Variants in TM2D2 observed in about 807,000 individuals in gnomAD.
The protein encoded by TM2D2 is TM2 domain containing 2.
TM2D2 carries 19 observed loss-of-function variants against 23.0 expected under a neutral mutation model. The observed-to-expected ratio is 0.82, with a 90% CI of 0.58 to 1.21. TM2D2 has a LOEUF of 1.21. Among genes scored for constraint, TM2D2 ranks in the 50% most tolerant of loss-of-function variants. The pLI, the probability that TM2D2 is intolerant of heterozygous loss-of-function variation, is 0.00. For missense variants in TM2D2, 246 were observed against 265.4 expected (o/e 0.93, Z 0.51); for synonymous variants, 120 against 108.8 (o/e 1.10, Z -0.64).
At chr8:38,995,728 C>T (rs1835752310) in intron 1 of TM2D2, 4 of 1,294,268 alleles carry the variant, frequency 3.1e-6, no homozygotes, top group Admixed American at 3.7e-5. Flanking sequence ...TATTCTCAGT[C>T]CTCTTTGCAT....
In TM2D2 at chr8:38,991,411, C is replaced by G. The variant is rs1234635293; in HGVS notation, c.566G>C (p.Trp189Ser). The change falls in exon 4 of 4, where the codon TGG becomes TCG. Residue 189 changes from tryptophan (W) to serine (S), a missense_variant. By Grantham distance (177) the Trp-to-Ser change is radical (BLOSUM62 -3). Transcript: ENST00000456397. Reference protein sequence around the residue: ...KLLTLGGLGIWWFVDLILLIT... With the variant: ...KLLTLGGLGISWFVDLILLIT... ...TAGCAAAATAAGGTCAACAAACCACCAAATCCCAAGTCCTCCAAGCGTCAA... is the reference window on the plus strand; with the variant it reads ...TAGCAAAATAAGGTCAACAAACCACGAAATCCCAAGTCCTCCAAGCGTCAA... 1.2e-6 allele frequency: 2 copies of G among 1,614,032 alleles called. No individual in the cohort carries two copies. The highest frequency in any genetic ancestry group is 1.6e-4 in the Middle Eastern group (1 of 6,084).
chr8:38,996,741 G>T, upstream of TM2D2: 1 of 1,419,864 alleles, frequency 7.0e-7, no homozygotes, highest in Non-Finnish European at 9.2e-7. Flanking sequence ...CCCCCTAGGT[G>T]GGCGTGCCCG....
At position 38,996,235 on chromosome 8, in the gene TM2D2, G is replaced by C; in HGVS notation, c.205C>G (p.Pro69Ala). The C allele has an allele frequency of 6.2e-7, 1 of 1,613,746 alleles. No individual in the cohort carries two copies. The highest frequency in any genetic ancestry group is 8.5e-7 in the Non-Finnish European group (1 of 1,179,934). Residue 69 changes from proline to alanine, a missense_variant, in exon 1 of 4, where the codon CCG becomes GCG. Coordinates refer to ENST00000456397, the MANE Select transcript of TM2D2 (RefSeq NM_078473.3). Reference sequence around the variant, plus strand: ...TACAGGTAAGAGCAGAGGATGACCGGAGAGTGGGGGTCGCCATATTCCCAG... The same window carrying C: ...TACAGGTAAGAGCAGAGGATGACCGCAGAGTGGGGGTCGCCATATTCCCAG... ...ASWEYGDPHS[P>A]VILCSYLPDE...
chr8:38,991,010 T>G lies in TM2D2; in HGVS notation c.*322A>C. 1 of 328,700 alleles carries G rather than the reference T, an allele frequency of 3.0e-6. No individual in the cohort carries two copies. Among genetic ancestry groups the G allele is most frequent in the Non-Finnish European group, 5.7e-6 (1 of 176,420 alleles). 20.4% of individuals were successfully genotyped at this position (328,700 alleles called of 1,614,324 possible). ...GTTAGGTCCACTTGCTCCAAAGGAC[T>G]GAAGATATAGCAATGTACAGAAAGG... is the stretch of plus-strand genomic sequence containing the variant. On this transcript the variant is annotated 3_prime_UTR_variant, in exon 4 of 4. Coordinates refer to ENST00000456397, the MANE Select transcript of TM2D2 (RefSeq NM_078473.3).
At position 38,993,566 on chromosome 8, in the gene TM2D2, C is replaced by A; in HGVS notation, c.410G>T (p.Arg137Leu). 1 of 1,613,188 alleles carries A rather than the reference C, an allele frequency of 6.2e-7. No individual in the cohort carries two copies. Among genetic ancestry groups the A allele is most frequent in the Non-Finnish European group, 8.5e-7 (1 of 1,179,314 alleles). The part of the protein sequence containing the change: ...IECASPRTFL[R>L]ENKPCIKYTG... ...TTACTTTATACAAGGTTTATTTTCTCGTAGAAAGGTCCTAGGACTGGCACA... is the reference window on the plus strand; with the variant it reads ...TTACTTTATACAAGGTTTATTTTCTAGTAGAAAGGTCCTAGGACTGGCACA... The change falls in exon 3 of 4, where the codon CGA (arginine) becomes CTA (leucine). Residue 137 changes from arginine to leucine, a missense_variant. By Grantham distance (102) the Arg-to-Leu change is moderately radical (BLOSUM62 -2). This residue lies in a region of TM2D2 where 212 missense variants were observed against 202.2 expected (regional missense o/e 1.05). Coordinates refer to ENST00000456397, the MANE Select transcript of TM2D2 (RefSeq NM_078473.3).
Position 38,993,574 on chromosome 8 carries a change from G to A in TM2D2, c.402C>T (p.Thr134=), listed in dbSNP as rs535538786. 3.7e-6 allele frequency: 6 copies of A among 1,613,676 alleles called. No individual in the cohort carries two copies. The South Asian group carries it at 5.5e-5, about 15-fold the overall frequency. Residue 134 remains threonine, a synonymous_variant, in exon 3 of 4, where the codon ACC becomes ACT. Transcript: ENST00000456397. ...TACAAGGTTTATTTTCTCGTAGAAA[G>A]GTCCTAGGACTGGCACACTCAATTC... ...LDGIECASPR[T]FLRENKPCIK... is the part of the protein sequence containing the mutation.
upstream of TM2D2, chr8:38,996,851 T>A (rs1247372034): frequency 6.9e-7 from 1 of 1,451,728 alleles, no homozygotes; most frequent in African/African-American, 1.4e-5. Flanking sequence ...ACTGGATTTT[T>A]CCCTACGTCA....
Position 38,996,464 on chromosome 8 carries a change from C to T in TM2D2, c.-25G>A. On this transcript the variant is annotated 5_prime_UTR_variant, in exon 1 of 4. Coordinates refer to ENST00000456397, the MANE Select transcript of TM2D2 (RefSeq NM_078473.3). Reference sequence around the variant, plus strand: ...TCTTCCCGGGCACAGGAGCGGAGACCCGGCCTCAACCACAACCCCAGGCCA... The same window carrying T: ...TCTTCCCGGGCACAGGAGCGGAGACTCGGCCTCAACCACAACCCCAGGCCA... 6.2e-7 allele frequency: 1 copy of T among 1,612,526 alleles called. No individual in the cohort carries two copies. The highest frequency in any genetic ancestry group is 8.5e-7 in the Non-Finnish European group (1 of 1,179,158).
chr8:38,992,383 T>C (rs141513768), intron 3 of TM2D2, among the ~76,000 whole-genome samples: 2,554 of 142,184 alleles, frequency 0.018, 68 homozygotes, highest in African/African-American at 0.065. Context: ...GAGGCTGAGG[T>C]AGGAGGATCG....
chr8:38,993,900 T>TACC, intron 2 of TM2D2: 1 of 296,582 alleles, frequency 3.4e-6, no homozygotes, highest in Non-Finnish European at 6.4e-6. Flanking sequence ...TCTTCAATAA[T>TACC]ATAGTAAAAA....
At position 38,993,669 on chromosome 8, in the gene TM2D2, T is replaced by A. The variant is rs1564194294; in HGVS notation, c.316-9A>T. On this transcript the variant is annotated splice_polypyrimidine_tract_variant and intron_variant, in intron 2 of 3. Coordinates refer to ENST00000456397, the MANE Select transcript of TM2D2 (RefSeq NM_078473.3). The stretch of plus-strand genomic sequence containing the variant: ...TAGGCCTGACCGCCGAACTGTGGAA[T>A]AACAACCAAGACCAAAACCAACTCA... 6.2e-7 allele frequency: 1 copy of A among 1,610,048 alleles called. No homozygotes were observed. The highest frequency in any genetic ancestry group is 1.1e-5 in the South Asian group (1 of 90,838).
intron 1 of TM2D2, among the ~76,000 whole-genome samples, 168 bp downstream of exon 1, chr8:38,996,045 C>T (rs1276821757): frequency 6.6e-6 from 1 of 152,224 alleles, no homozygotes; most frequent in East Asian, 1.9e-4. Flanking sequence ...CAAGAGTTTT[C>T]TCTGCACGGG....
In TM2D2 at chr8:38,991,546, C is replaced by T. The variant is rs1835600956; in HGVS notation, c.432-1G>A. The T allele has an allele frequency of 6.2e-7, 1 of 1,608,420 alleles. No individual in the cohort carries two copies. Among genetic ancestry groups the T allele is most frequent in the South Asian group, 1.1e-5 (1 of 90,910 alleles). On this transcript the variant is annotated splice_acceptor_variant, in intron 3 of 3. Transcript: ENST00000456397. LOFTEE classifies it high-confidence loss of function. Reference sequence around the variant, plus strand: ...GGTTATGAAGTAGTGTCCGGTATACCTAGGTGAAAGGAATGAAAAGGAAGA... The same window carrying T: ...GGTTATGAAGTAGTGTCCGGTATACTTAGGTGAAAGGAATGAAAAGGAAGA...
At chr8:38,993,412 C>T (rs1835660503) in intron 3 of TM2D2, 133 bp downstream of exon 3, 1 of 555,898 alleles carries the variant, frequency 1.8e-6, no homozygotes, top group Non-Finnish European at 3.1e-6. Flanking sequence ...GCCATGATTG[C>T]ACCACTGCAC....
chr8:38,996,502 C>T lies in TM2D2; in HGVS notation c.-63G>A, dbSNP rs1564202039. 1.9e-6 allele frequency: 3 copies of T among 1,596,184 alleles called. No individual in the cohort carries two copies. The highest frequency in any genetic ancestry group is 3.4e-5 in the Admixed American group (2 of 58,678). ...CAACCCCAGGCCAGCAGCACAGACC[C>T]AAGAACTGCGTGGTCAGGCCTTTCC... is the stretch of plus-strand genomic sequence containing the variant. On this transcript the variant is annotated 5_prime_UTR_variant, in exon 1 of 4. Coordinates refer to ENST00000456397, the MANE Select transcript of TM2D2 (RefSeq NM_078473.3).
intron 3 of TM2D2, among the ~76,000 whole-genome samples, chr8:38,992,134 G>A (rs908247170): frequency 6.6e-6 from 1 of 151,868 alleles, no homozygotes; most frequent in Admixed American, 6.6e-5. Flanking sequence ...CAGCCAGAAA[G>A]GTTTTTAAGA....
At chr8:38,993,694 A>C in intron 2 of TM2D2, 34 bp from the exon 3 acceptor site, 43 of 1,501,002 alleles carry the variant, frequency 2.9e-5, no homozygotes, top group Non-Finnish European at 3.7e-5. Context: ...AAACCAACTC[A>C]CCAGAGCAAG....
chr8:38,994,440 C>T (rs1835695212), intron 2 of TM2D2, among the ~76,000 whole-genome samples: 1 of 152,178 alleles, frequency 6.6e-6, no homozygotes, highest in Non-Finnish European at 1.5e-5. Context: ...AAAGTGATCT[C>T]TATACAATAT....
intron 1 of TM2D2, chr8:38,995,894 T>C: frequency 1.2e-6 from 1 of 864,976 alleles, no homozygotes; most frequent in Non-Finnish European, 1.6e-6. Context: ...TGGCACCGAA[T>C]CGACCGACTA....
Sources: gnomAD v4.1 joint callset for allele counts (sites outside exome capture counted in the v4.1 genomes callset) on GRCh38, gnomAD v4.1.1 for gene constraint, gnomAD v4.1.1 regional missense constraint, MANE v1.5 for transcripts, NCBI Gene and HGNC (gene_info 2026-07-23, HGNC 2026-07-21) for gene names.